Variants in ITGA9 observed in about 807,000 individuals in gnomAD.
ITGA9 encodes the protein integrin alpha-9.
A neutral mutation model predicts 127.8 loss-of-function variants in ITGA9; 56 were observed. The ratio of observed to expected loss-of-function variants is 0.44; its 90% CI spans 0.35 to 0.55. The LOEUF (loss-of-function observed/expected upper bound fraction) is 0.55, where lower values mean the gene tolerates loss of function less well. Among genes scored for constraint, ITGA9 ranks in the 20% least tolerant of loss-of-function variants. The pLI is 0.00. For synonymous variants in ITGA9, 508 were observed against 514.5 expected (o/e 0.99, Z 0.17); for missense variants, 1,196 against 1,347.1 (o/e 0.89, Z 1.76).
intron 15 of ITGA9, among the ~76,000 whole-genome samples, chr3:37,569,394 C>T (rs893537347): frequency 3.3e-5 from 5 of 152,142 alleles, no homozygotes; most frequent in African/African-American, 1.2e-4. Context: ...CACAGCCAAA[C>T]CATATCATGG....
intron 10 of ITGA9, 57 bp from the exon 11 acceptor site, chr3:37,519,203 G>A (rs1579082017): frequency 2.3e-6 from 3 of 1,287,958 alleles, no homozygotes; most frequent in East Asian, 4.7e-5. Context: ...AATTAGGGAA[G>A]CTGCACTTGT....
intron 18 of ITGA9, among the ~76,000 whole-genome samples, chr3:37,712,317 C>T (rs1357275564): frequency 6.6e-6 from 1 of 150,890 alleles, no homozygotes; most frequent in South Asian, 2.1e-4. Flanking sequence ...CATCCCCACC[C>T]ACCCTTTGGT....
chr3:37,522,466 C>G (rs1699053724), intron 11 of ITGA9, among the ~76,000 whole-genome samples: 1 of 152,154 alleles, frequency 6.6e-6, no homozygotes. Flanking sequence ...GGAGTGGTGG[C>G]TGTAATCCCA....
chr3:37,552,762 C>A (rs1699390940), intron 15 of ITGA9, among the ~76,000 whole-genome samples: 1 of 152,162 alleles, frequency 6.6e-6, no homozygotes, highest in Non-Finnish European at 1.5e-5. Context: ...CGCCTGTAAT[C>A]CCAGCACTTT....
In ITGA9 at chr3:37,560,116, G is replaced by A. The variant is rs184256526; in HGVS notation, c.1689+17531G>A. ...TCCCTCCCCCAGCCCGCCACCCCCCGACAGGCCCCGGTGTGTGATGTTCCC... is the reference window on the plus strand; with the variant it reads ...TCCCTCCCCCAGCCCGCCACCCCCCAACAGGCCCCGGTGTGTGATGTTCCC... On this transcript the variant is annotated intron_variant, in intron 15 of 27. Transcript: ENST00000264741. Among the ~76,000 whole-genome samples the A allele has an allele frequency of 1.8e-3, 244 of 134,106 alleles. 1 individual carries two copies. Among genetic ancestry groups the A allele is most frequent in the African/African-American group, 6.7e-3 (236 of 35,230 alleles). The allele number at this position is 134,106 out of a possible 152,430, so 88.0% of individuals were successfully genotyped here. A position where few individuals can be genotyped will look rare whatever the true frequency, so the allele number is the denominator to read the frequency against.
chr3:37,655,442 A>G (rs552737935), intron 17 of ITGA9, among the ~76,000 whole-genome samples: 1 of 152,168 alleles, frequency 6.6e-6, no homozygotes, highest in Non-Finnish European at 1.5e-5. Flanking sequence ...TTCTGTAATG[A>G]CCAATGATGA....
At chr3:37,763,636 A>T (rs182159103) in intron 23 of ITGA9, among the ~76,000 whole-genome samples, 173 of 152,350 alleles carry the variant, frequency 1.1e-3, no homozygotes, top group African/African-American at 4.1e-3. Flanking sequence ...CCTGGATTTT[A>T]TGACTTAGCT....
At chr3:37,811,291 G>T (rs1697365517) in intron 27 of ITGA9, among the ~76,000 whole-genome samples, 1 of 152,194 alleles carries the variant, frequency 6.6e-6, no homozygotes, top group Middle Eastern at 3.2e-3. Context: ...TGCAGCTCCT[G>T]ACTGGGTTGG....
intron 15 of ITGA9, among the ~76,000 whole-genome samples, chr3:37,580,206 G>A (rs1699697142): frequency 6.6e-6 from 1 of 152,140 alleles, no homozygotes; most frequent in Non-Finnish European, 1.5e-5. Flanking sequence ...TGAACTGACT[G>A]TGGAAAGATG....
intron 15 of ITGA9, among the ~76,000 whole-genome samples, chr3:37,550,231 T>C (rs1344189030): frequency 6.6e-6 from 1 of 152,196 alleles, no homozygotes. Flanking sequence ...GCTAGAACTA[T>C]TAGTAACTAG....
At chr3:37,804,948 T>C (rs866287288) in intron 27 of ITGA9, among the ~76,000 whole-genome samples, 2 of 152,208 alleles carry the variant, frequency 1.3e-5, no homozygotes, top group Admixed American at 6.5e-5. Flanking sequence ...TATATAGATA[T>C]AGACCAGGCA....
intron 15 of ITGA9, among the ~76,000 whole-genome samples, chr3:37,572,562 A>G (rs1284525358): frequency 6.6e-6 from 1 of 152,236 alleles, no homozygotes; most frequent in African/African-American, 2.4e-5. Context: ...AAATAAGATA[A>G]TATAGCTCAT....
chr3:37,615,610 T>C (rs1223240528), intron 15 of ITGA9, among the ~76,000 whole-genome samples: 2 of 152,220 alleles, frequency 1.3e-5, no homozygotes, highest in Non-Finnish European at 2.9e-5. Context: ...TGTTGTTTGG[T>C]TGGTAAGCTA....
chr3:37,647,729 T>A, intron 16 of ITGA9, among the ~76,000 whole-genome samples: 1 of 152,300 alleles, frequency 6.6e-6, no homozygotes, highest in Middle Eastern at 3.4e-3. Context: ...CATACAATAT[T>A]TTTCTTTCTT....
chr3:37,730,893 G>T (rs541111321), intron 18 of ITGA9, among the ~76,000 whole-genome samples: 5 of 152,304 alleles, frequency 3.3e-5, no homozygotes, highest in South Asian at 2.1e-4. Flanking sequence ...GCATATACGT[G>T]CCACGGGGCA....
chr3:37,770,418 C>T (rs1435644201), intron 23 of ITGA9, among the ~76,000 whole-genome samples: 1 of 152,118 alleles, frequency 6.6e-6, no homozygotes, highest in African/African-American at 2.4e-5. Flanking sequence ...CTGTGTTTGG[C>T]TGCTCTGTTT....
At chr3:37,617,030 A>G (rs1700081843) in intron 15 of ITGA9, among the ~76,000 whole-genome samples, 1 of 152,180 alleles carries the variant, frequency 6.6e-6, no homozygotes. Context: ...TATTTTGCTC[A>G]TTAGTTGATG....
At chr3:37,691,315 A>C (rs1001177728) in intron 18 of ITGA9, among the ~76,000 whole-genome samples, 16 of 152,128 alleles carry the variant, frequency 1.1e-4, no homozygotes, top group African/African-American at 3.9e-4. Context: ...AGGTTCTTAT[A>C]CAAGATCTAG....
intron 23 of ITGA9, 119 bp downstream of exon 23, chr3:37,750,688 C>A: frequency 1.3e-6 from 1 of 762,432 alleles, no homozygotes; most frequent in East Asian, 2.5e-5. Context: ...CTCATTCTAC[C>A]CTTTGGAGAC....
Sources: gnomAD v4.1 joint callset for allele counts (sites outside exome capture counted in the v4.1 genomes callset) on GRCh38, gnomAD v4.1.1 for gene constraint, MANE v1.5 for transcripts, NCBI Gene and HGNC (gene_info 2026-07-23, HGNC 2026-07-21) for gene names.